Variants in NBPF12 observed in about 807,000 individuals in gnomAD.
NBPF12 encodes the protein NBPF member 12.
NBPF12 carries 115 observed loss-of-function variants against 146.4 expected under a neutral mutation model. The ratio of observed to expected loss-of-function variants is 0.79; its 90% CI spans 0.68 to 0.92. The LOEUF (loss-of-function observed/expected upper bound fraction) is 0.92. Among genes scored for constraint, NBPF12 ranks in the 40% least tolerant of loss-of-function variants. The pLI is 0.00. For synonymous variants in NBPF12, 385 were observed against 508.9 expected, an observed-to-expected ratio of 0.76 and a Z score of 3.28; for missense variants, 1,205 against 1,326.8, an observed-to-expected ratio of 0.91 and a Z score of 1.43.
rs1421156006 is a variant in NBPF12 at position 146,993,399 on chromosome 1, C to CA, written c.4022-199dup. On this transcript the variant is annotated intron_variant, in intron 32 of 33. Coordinates refer to ENST00000617844, the Ensembl canonical transcript of NBPF12. ...GGATAACGATCTACTAGAATAGGGA[C>CA]ATTTTACCCAGAGTTTCTGGGAGAA... 1.1e-4 allele frequency among the ~76,000 whole-genome samples: 3 copies of CA among 27,920 alleles called. 1 individual carries two copies. The highest frequency in any genetic ancestry group is 2.0e-4 in the Non-Finnish European group (3 of 15,328). The allele number at this position is 27,920 out of a possible 152,430, so 18.3% of individuals were successfully genotyped here.
chr1:146,963,291 G>C, exon 6 of NBPF12: 3 of 1,611,962 alleles, frequency 1.9e-6, no homozygotes, highest in East Asian at 2.2e-5. Flanking sequence ...ACAGCAACTT[G>C]TCCAAAAGCT....
intron 8 of NBPF12, among the ~76,000 whole-genome samples, chr1:146,965,747 G>C (rs1484725158): frequency 7.7e-6 from 1 of 129,770 alleles, no homozygotes; most frequent in Non-Finnish European, 1.6e-5. Context: ...AGCCGAGATT[G>C]TGGCACTGCA....
intron 4 of NBPF12, among the ~76,000 whole-genome samples, chr1:146,961,163 G>T (rs1388395744): frequency 1.3e-5 from 2 of 151,878 alleles, no homozygotes; most frequent in Non-Finnish European, 2.9e-5. Context: ...CAAACAAAAG[G>T]ATAAATAAAT....
chr1:146,987,658 A>G (rs1657862393), intron 25 of NBPF12, among the ~76,000 whole-genome samples: 1 of 151,988 alleles, frequency 6.6e-6, no homozygotes, highest in African/African-American at 2.4e-5. Context: ...TCACCTGGAC[A>G]ATTCACTGAG....
At chr1:146,960,550 T>TA (rs1422770889) in intron 4 of NBPF12, among the ~76,000 whole-genome samples, 1 of 152,006 alleles carries the variant, frequency 6.6e-6, no homozygotes, top group Admixed American at 6.5e-5. Flanking sequence ...AACTCACAGT[T>TA]ACTGATTTCT....
At chr1:146,961,455 C>T in intron 4 of NBPF12, among the ~76,000 whole-genome samples, 1 of 152,180 alleles carries the variant, frequency 6.6e-6, no homozygotes, top group East Asian at 1.9e-4. Flanking sequence ...TCCTGTCAAT[C>T]TCCTTGAACA....
intron 14 of NBPF12, among the ~76,000 whole-genome samples, chr1:146,973,417 C>T (rs1656785116): frequency 6.6e-6 from 1 of 151,516 alleles, no homozygotes; most frequent in Non-Finnish European, 1.5e-5. Context: ...GTGATAGTAG[C>T]CAGTACCCGC....
intron 18 of NBPF12, among the ~76,000 whole-genome samples, chr1:146,978,260 A>ATTTTTTTTTTTTT (rs1187524068): frequency 2.3e-4 from 19 of 83,886 alleles, no homozygotes; most frequent in African/African-American, 4.3e-4. Flanking sequence ...AGCGTCGTAG[A>ATTTTTTTTTTTTT]TTTTTTTTTT....
intron 2 of NBPF12, among the ~76,000 whole-genome samples, chr1:146,943,890 C>CT (rs1259526944): frequency 2.1e-5 from 3 of 145,560 alleles, no homozygotes; most frequent in African/African-American, 5.2e-5. Context: ...ATTTCTGTCT[C>CT]TGTTTCCACC....
At chr1:146,972,648 A>G (rs1231665249) in intron 13 of NBPF12, 103 bp from the exon 17 acceptor site, 14 of 1,029,864 alleles carry the variant, frequency 1.4e-5, no homozygotes, top group South Asian at 2.5e-5. Flanking sequence ...CAACATCTTC[A>G]AATAAGTAGA....
At chr1:146,967,532 A>G (rs1166699808) in intron 9 of NBPF12, among the ~76,000 whole-genome samples, 1 of 149,962 alleles carries the variant, frequency 6.7e-6, no homozygotes, top group Non-Finnish European at 1.5e-5. Context: ...AAATAAGAAT[A>G]AAAAGCAGAG....
At chr1:146,969,498 C>G in exon 11 of NBPF12, 1 of 1,262,622 alleles carries the variant, frequency 7.9e-7, no homozygotes, top group Non-Finnish European at 1.2e-6. Flanking sequence ...GCCCTCCTCA[C>G]TCCGGATGAG....
chr1:146,962,193 A>G, exon 5 of NBPF12: 1 of 1,608,732 alleles, frequency 6.2e-7, no homozygotes, highest in Non-Finnish European at 8.5e-7. Flanking sequence ...CATAAAATTT[A>G]TGCTGAGGAA....
chr1:146,956,391 A>G (rs1229519012), intron 2 of NBPF12, among the ~76,000 whole-genome samples: 3 of 152,040 alleles, frequency 2.0e-5, no homozygotes, highest in Non-Finnish European at 4.4e-5. Context: ...ACTTTGGGGC[A>G]TAGGGAATTT....
At position 146,981,295 on chromosome 1, in the gene NBPF12, AT is replaced by A. The variant is rs1183692127; in HGVS notation, c.2451-1632del. Among the ~76,000 whole-genome samples the A allele has an allele frequency of 1.7e-3, 129 of 78,118 alleles. 3 individuals carry two copies. Among genetic ancestry groups the A allele is most frequent in the African/African-American group, 2.0e-3 (40 of 19,616 alleles). 51.2% of individuals were successfully genotyped at this position (78,118 alleles called of 152,430 possible). ...AAAGTATTAAAAAAAAAAAAAAAAA[AT>A]ATATATATATATATATATACATACA... On this transcript the variant is annotated intron_variant, in intron 19 of 33. Coordinates refer to ENST00000617844, the Ensembl canonical transcript of NBPF12.
chr1:146,946,458 A>G (rs1379964932), upstream of NBPF12, among the ~76,000 whole-genome samples: 4 of 137,244 alleles, frequency 2.9e-5, no homozygotes, highest in African/African-American at 1.1e-4. Context: ...CATCTTTCTC[A>G]TATGCTTATT....
At chr1:146,953,052 G>A (rs3992736) in intron 2 of NBPF12, among the ~76,000 whole-genome samples, 1,783 of 150,784 alleles carry the variant, frequency 0.012, 40 homozygotes, top group African/African-American at 0.042. Context: ...GTCCTGTGGC[G>A]CCTCTCCTCT....
chr1:146,989,659 C>A (rs1489087109), exon 28 of NBPF12: 1 of 1,611,686 alleles, frequency 6.2e-7, no homozygotes, highest in African/African-American at 1.3e-5. Flanking sequence ...TTCAGTTTAT[C>A]TTGGACTGAC....
chr1:146,992,468 G>C (rs1263422701), intron 31 of NBPF12, among the ~76,000 whole-genome samples: 1,252 of 71,420 alleles, frequency 0.018, 2 homozygotes, highest in African/African-American at 0.037. Context: ...CTCTCTGTGT[G>C]TGTGTGTGTG....
Sources: allele counts gnomAD v4.1 joint callset (sites outside exome capture counted in the v4.1 genomes callset), GRCh38; gene constraint gnomAD v4.1.1; transcripts MANE v1.5; gene names NCBI Gene and HGNC (gene_info 2026-07-23, HGNC 2026-07-21).